EDN1: variants seen among roughly 807,000 people sequenced by gnomAD.
EDN1 encodes endothelin 1.
EDN1 carries 11 observed loss-of-function variants against 21.7 expected under a neutral mutation model. The observed-to-expected ratio is 0.51, with a 90% confidence interval of 0.32 to 0.84. EDN1 has a LOEUF of 0.84. Among genes scored for constraint, EDN1 ranks in the 40% least tolerant of loss-of-function variants. The probability of loss-of-function intolerance (pLI) is 0.03; values close to 1 mark genes in which losing one functional copy is unlikely to be tolerated. For synonymous variants in EDN1, 85 were observed against 90.6 expected, an observed-to-expected ratio of 0.94 and a Z score of 0.35; for missense variants, 244 against 262.3, an observed-to-expected ratio of 0.93 and a Z score of 0.48.
chr6:12,248,892 A>T, the EDN1 span, among the ~76,000 whole-genome samples: 3 of 152,204 alleles, frequency 2.0e-5, no homozygotes, highest in Non-Finnish European at 4.4e-5. Context: ...CAGTGAAAAA[A>T]ACTGTATATT....
the EDN1 span, among the ~76,000 whole-genome samples, chr6:12,236,048 T>C: frequency 6.6e-6 from 1 of 152,270 alleles, no homozygotes; most frequent in African/African-American, 2.4e-5. Flanking sequence ...AATAATGGTA[T>C]GTCAGTCTTT....
At chr6:12,284,566 G>A in the EDN1 span, among the ~76,000 whole-genome samples, 4 of 135,664 alleles carry the variant, frequency 2.9e-5, no homozygotes, top group Non-Finnish European at 6.2e-5. Flanking sequence ...GGAAGGAAAA[G>A]CAAGCAAGCA....
In EDN1 at chr6:12,290,722, C is replaced by T. The variant is rs761743966; in HGVS notation, c.64+29C>T. The T allele has an allele frequency of 1.1e-5, 17 of 1,588,138 alleles. No homozygotes were observed. In the South Asian group the frequency reaches 1.1e-4, roughly 10 times the overall value. On this transcript the variant is annotated intron_variant, in intron 1 of 4. Transcript: ENST00000379375. The stretch of plus-strand genomic sequence containing the variant: ...GGCACGCTCGTTGACTTGTAAGTCT[C>T]GGAATTACAAGTTAGTGTGTTCTTA...
chr6:12,241,150 T>TTTTC, the EDN1 span, among the ~76,000 whole-genome samples: 13 of 146,940 alleles, frequency 8.8e-5, no homozygotes, highest in African/African-American at 2.7e-4. Context: ...CTTTTTTTTC[T>TTTTC]TTTCTTTCTT....
At chr6:12,243,246 A>G in the EDN1 span, among the ~76,000 whole-genome samples, 1 of 150,020 alleles carries the variant, frequency 6.7e-6, no homozygotes, top group Non-Finnish European at 1.5e-5. Flanking sequence ...GAAGTGGATC[A>G]TCTTAAAGGG....
chr6:12,237,741 T>C, the EDN1 span, among the ~76,000 whole-genome samples: 1 of 152,316 alleles, frequency 6.6e-6, no homozygotes, highest in East Asian at 1.9e-4. Context: ...GAATGTTTCA[T>C]ATACTTCTAT....
the EDN1 span, among the ~76,000 whole-genome samples, chr6:12,280,772 A>G: frequency 6.6e-6 from 1 of 152,150 alleles, no homozygotes; most frequent in African/African-American, 2.4e-5. Flanking sequence ...CTGCGCCTGT[A>G]ATCCCAGCTA....
At chr6:12,269,982 T>C in the EDN1 span, among the ~76,000 whole-genome samples, 4 of 152,088 alleles carry the variant, frequency 2.6e-5, no homozygotes, top group Non-Finnish European at 2.9e-5. Context: ...TTTAATCTTG[T>C]TATTTATTAT....
the EDN1 span, among the ~76,000 whole-genome samples, chr6:12,280,864 G>A: frequency 1.3e-5 from 2 of 152,178 alleles, no homozygotes; most frequent in African/African-American, 4.8e-5. Flanking sequence ...CTGCACTCCA[G>A]CCTGGGCAAC....
At position 12,292,525 on chromosome 6, in the gene EDN1, G is replaced by T. The variant is rs1426887289; in HGVS notation, c.233+16G>T. On this transcript the variant is annotated intron_variant, in intron 2 of 4. Coordinates refer to ENST00000379375, the MANE Select transcript of EDN1 (RefSeq NM_001955.5). ...ACACTCCCGAGTAAGTCTCTAGAGG[G>T]CATTGTAACCCTAGTCATTCATTAG... The T allele has an allele frequency of 1.2e-6, 2 of 1,614,124 alleles. No individual in the cohort carries two copies. The highest frequency in any genetic ancestry group is 2.2e-5 in the East Asian group (1 of 44,876).
At chr6:12,260,264 T>A in the EDN1 span, among the ~76,000 whole-genome samples, 1 of 152,140 alleles carries the variant, frequency 6.6e-6, no homozygotes, top group Non-Finnish European at 1.5e-5. Flanking sequence ...TTTTAAAAAT[T>A]GGTGAAGACT....
the EDN1 span, among the ~76,000 whole-genome samples, chr6:12,275,254 C>T: frequency 6.6e-6 from 1 of 152,164 alleles, no homozygotes; most frequent in Non-Finnish European, 1.5e-5. Flanking sequence ...GACATGCTTC[C>T]TTGTGTCACA....
the EDN1 span, among the ~76,000 whole-genome samples, chr6:12,231,787 G>A: frequency 2.3e-3 from 349 of 151,714 alleles, 1 homozygote; most frequent in African/African-American, 7.8e-3. Context: ...CACATAAATG[G>A]TAATTTTTCT....
At position 12,296,096 on chromosome 6, in the gene EDN1, A is replaced by G; in HGVS notation, c.*29A>G. On this transcript the variant is annotated 3_prime_UTR_variant, in exon 5 of 5. Transcript: ENST00000379375. ...ACCTTCGGGGCCTGTCTGAAGCCAT[A>G]GCCTCCACGGAGAGCCCTGTGGCCG... The G allele has an allele frequency of 6.2e-7, 1 of 1,600,064 alleles. No individual in the cohort carries two copies. Among genetic ancestry groups the G allele is most frequent in the Non-Finnish European group, 8.6e-7 (1 of 1,167,462 alleles).
At chr6:12,280,670 G>A in the EDN1 span, among the ~76,000 whole-genome samples, 114 of 152,226 alleles carry the variant, frequency 7.5e-4, no homozygotes, top group African/African-American at 2.5e-3. Flanking sequence ...TGAGACGGAC[G>A]GATCGCCTGA....
upstream of EDN1, among the ~76,000 whole-genome samples, chr6:12,289,407 C>T (rs915992666): frequency 6.6e-6 from 1 of 152,098 alleles, no homozygotes; most frequent in African/African-American, 2.4e-5. Flanking sequence ...TGTTAGGCAA[C>T]ATTCCTTGAC....
the EDN1 span, among the ~76,000 whole-genome samples, chr6:12,277,437 G>A: frequency 2.6e-5 from 4 of 152,190 alleles, no homozygotes; most frequent in African/African-American, 9.7e-5. Context: ...CGTGATGTAA[G>A]TACTACTCTT....
chr6:12,294,208 G>T, intron 3 of EDN1, 53 bp from the exon 4 acceptor site: 2 of 1,613,578 alleles, frequency 1.2e-6, no homozygotes, highest in South Asian at 2.2e-5. Context: ...TGAAAGTCAG[G>T]GTAAAGCTGA....
Position 12,295,776 on chromosome 6 carries a change from G to A in EDN1, c.534-186G>A, listed in dbSNP as rs111498398. Among the ~76,000 whole-genome samples, 527 of 152,226 alleles carry A rather than the reference G, an allele frequency of 3.5e-3. 2 individuals carry two copies. The highest frequency in any genetic ancestry group is 0.012 in the African/African-American group (513 of 41,540). ...CCTCGCTCCCATTCTAAGCATAGGG[G>A]CAGGCTTTATTTTTACAATGGTAAT... is the stretch of plus-strand genomic sequence containing the variant. On this transcript the variant is annotated intron_variant, in intron 4 of 4. Coordinates refer to ENST00000379375, the MANE Select transcript of EDN1 (RefSeq NM_001955.5).
Sources: allele counts gnomAD v4.1 joint callset (sites outside exome capture counted in the v4.1 genomes callset), GRCh38; gene constraint gnomAD v4.1.1; transcripts MANE v1.5; gene names NCBI Gene and HGNC (gene_info 2026-07-23, HGNC 2026-07-21).